Variants in TPPP2 observed in about 807,000 individuals in gnomAD.
TPPP2 encodes tubulin polymerization-promoting protein family member 2.
Under a neutral mutation model 13.0 loss-of-function variants are expected in TPPP2, and 8 were observed. The observed-to-expected ratio is 0.62, with a 90% CI of 0.36 to 1.11. TPPP2 has a LOEUF of 1.11. Among genes scored for constraint, TPPP2 ranks in the 50% most tolerant of loss-of-function variants. The pLI, the probability that TPPP2 is intolerant of heterozygous loss-of-function variation, is 0.02. For missense variants in TPPP2, 213 were observed against 216.9 expected, an observed-to-expected ratio of 0.98 and a Z score of 0.11; for synonymous variants, 81 against 81.8, an observed-to-expected ratio of 0.99 and a Z score of 0.05.
chr14:21,025,769 G>A, upstream of TPPP2: 3 of 893,204 alleles, frequency 3.4e-6, 1 homozygote, highest in African/African-American at 3.6e-5. The surrounding 1 kb of genome is among the most constrained non-coding windows in gnomAD (Gnocchi z 5.1). Flanking sequence ...GGGGAATGCG[G>A]GGGGCCGCTA....
At position 21,032,305 on chromosome 14, in the gene TPPP2, A is replaced by G. The variant is rs1235546941; in HGVS notation, c.*228A>G. 6.3e-6 allele frequency: 4 copies of G among 632,368 alleles called. No homozygotes were observed. The Admixed American group carries it at 8.4e-5, about 13-fold the overall frequency. The allele number at this position is 632,368 out of a possible 1,614,324, so 39.2% of individuals were successfully genotyped here. On this transcript the variant is annotated 3_prime_UTR_variant, in exon 4 of 4. Coordinates refer to ENST00000321760, the MANE Select transcript of TPPP2 (RefSeq NM_173846.5). Reference sequence around the variant, plus strand: ...TTATGCCTACCAGCCATCAGTTAGCATTCCTCCTCAACAGCTGCTTCCAAG... The same window carrying G: ...TTATGCCTACCAGCCATCAGTTAGCGTTCCTCCTCAACAGCTGCTTCCAAG...
Position 21,024,947 on chromosome 14 carries a change from G to A in TPPP2, n.236+603G>A, listed in dbSNP as rs1274151022. The A allele has an allele frequency of 8.1e-6, 8 of 985,504 alleles. No individual in the cohort carries two copies. In the East Asian group the frequency reaches 9.1e-4, roughly 112 times the overall value. 61.0% of individuals were successfully genotyped at this position (985,504 alleles called of 1,614,324 possible). A position where few individuals can be genotyped will look rare whatever the true frequency, so the allele number is the denominator to read the frequency against. ...CTTTCCCCCGAGCCTCCAGCTCCAG[G>A]GGACGCGGATCAATCACACCGCCCG... On this transcript the variant is annotated intron_variant and non_coding_transcript_variant, in intron 1 of 1. Transcript: ENST00000533755.
At chr14:21,025,502 C>A (rs1430242473), upstream of TPPP2, 3 of 985,314 alleles carry the variant, frequency 3.0e-6, no homozygotes, top group Non-Finnish European at 3.6e-6. The surrounding 1 kb of genome is among the most constrained non-coding windows in gnomAD (Gnocchi z 5.1). Flanking sequence ...AGTTCGACTC[C>A]CCCCGCCCGA....
intron 1 of TPPP2, chr14:21,024,896 A>T: frequency 1.0e-6 from 1 of 985,546 alleles, no homozygotes. Flanking sequence ...TGTGCGCAGC[A>T]ACCGAGCGCC....
chr14:21,032,966 C>T (rs1467605180), downstream of TPPP2: 1 of 455,992 alleles, frequency 2.2e-6, no homozygotes, highest in South Asian at 1.5e-5. Flanking sequence ...AATTTATGTT[C>T]GATTAGAGCC....
At chr14:21,024,826 C>G (rs1465171416) in intron 1 of TPPP2, 1 of 985,660 alleles carries the variant, frequency 1.0e-6, no homozygotes, top group Non-Finnish European at 1.2e-6. Context: ...CGCCCCGGAC[C>G]TTGCACACAA....
At chr14:21,031,860 G>T (rs1477056255) in intron 3 of TPPP2, 32 bp from the exon 4 acceptor site, 2 of 1,605,058 alleles carry the variant, frequency 1.2e-6, no homozygotes, top group Admixed American at 1.7e-5. Context: ...GTAAGGAAAG[G>T]AAGAGAGCTC....
At chr14:21,034,061 A>G, downstream of TPPP2, 1 of 1,614,214 alleles carries the variant, frequency 6.2e-7, no homozygotes, top group Non-Finnish European at 8.5e-7. Context: ...TCCAAGGGGC[A>G]TGTATCACAT....
rs762247524 is a variant in TPPP2 at position 21,031,179 on chromosome 14, T to C, written c.327+14T>C. 5.0e-6 allele frequency: 8 copies of C among 1,611,868 alleles called. No individual in the cohort carries two copies. Among genetic ancestry groups the C allele is most frequent in the Admixed American group, 3.3e-5 (2 of 59,720 alleles). On this transcript the variant is annotated intron_variant, in intron 3 of 3. Transcript: ENST00000321760. ...ACTGGCGCTACTGTGAGTGACAGCC[T>C]TCATCCCCTTGACCCTACTTCCCTA...
At chr14:21,033,870 C>A (rs143881017), downstream of TPPP2, 8 of 1,613,988 alleles carry the variant, frequency 5.0e-6, no homozygotes, top group South Asian at 1.1e-5. Context: ...TTCATACTTG[C>A]GGGAGCAGAG....
upstream of TPPP2, among the ~76,000 whole-genome samples, chr14:21,029,944 A>C (rs1566485477): frequency 6.6e-6 from 1 of 150,872 alleles, no homozygotes; most frequent in Non-Finnish European, 1.5e-5. Flanking sequence ...ACAGACTACA[A>C]CACCTTCCCT....
Position 21,032,194 on chromosome 14 carries a change from A to T in TPPP2, c.*117A>T, listed in dbSNP as rs1566488294. On this transcript the variant is annotated 3_prime_UTR_variant, in exon 4 of 4. Coordinates refer to ENST00000321760, the MANE Select transcript of TPPP2 (RefSeq NM_173846.5). Reference sequence around the variant, plus strand: ...GCCAAAATCTCTGTCTGTGAGGGACAGATGAGCCTACTAGTGTAGAGAGAG... The same window carrying T: ...GCCAAAATCTCTGTCTGTGAGGGACTGATGAGCCTACTAGTGTAGAGAGAG... 1 of 1,068,404 alleles carries T rather than the reference A, an allele frequency of 9.4e-7. No homozygotes were observed. Among genetic ancestry groups the T allele is most frequent in the Non-Finnish European group, 1.4e-6 (1 of 704,782 alleles). The allele number at this position is 1,068,404 out of a possible 1,614,324, so 66.2% of individuals were successfully genotyped here.
rs76101114 is a variant in TPPP2, at chr14:21,032,059, C to T, written c.495C>T (p.Tyr165=). The T allele has an allele frequency of 8.7e-6, 14 of 1,613,692 alleles. No homozygotes were observed. Among genetic ancestry groups the T allele is most frequent in the Middle Eastern group, 1.7e-4 (1 of 6,054 alleles). Residue 165 remains tyrosine, a synonymous_variant, in exon 4 of 4, where the codon TAC becomes TAT. Coordinates refer to ENST00000321760, the MANE Select transcript of TPPP2 (RefSeq NM_173846.5). ...YVSGYKGSGT[Y]DKKTK Reference sequence around the variant, plus strand: ...GTGGTTACAAGGGTTCTGGCACCTACGATAAGAAGACCAAGTAGAGAGGAG... The same window carrying T: ...GTGGTTACAAGGGTTCTGGCACCTATGATAAGAAGACCAAGTAGAGAGGAG...
At chr14:21,029,988 A>G (rs888799843), upstream of TPPP2, among the ~76,000 whole-genome samples, 5 of 152,232 alleles carry the variant, frequency 3.3e-5, no homozygotes, top group Admixed American at 6.5e-5. Context: ...GGGGCAGAGC[A>G]TAAGGCAATT....
chr14:21,029,823 A>C (rs1243458), upstream of TPPP2, among the ~76,000 whole-genome samples: 21,266 of 152,106 alleles, frequency 0.14, 1,837 homozygotes, highest in East Asian at 0.3. Context: ...CTCACCAAAC[A>C]CTGAATCTGC....
chr14:21,031,975 T>TGGCAAG lies in TPPP2; in HGVS notation c.422_427dup (p.Lys141_Gly142dup). On this transcript the variant is annotated inframe_insertion, in exon 4 of 4. Coordinates refer to ENST00000321760, the MANE Select transcript of TPPP2 (RefSeq NM_173846.5). ...CCCACAAGGAGCGCTTTGATGAGAG[T>TGGCAAG]GGCAAGGGCAAGGGCATTGCGGGAC... The TGGCAAG allele has an allele frequency of 6.2e-7, 1 of 1,613,760 alleles. No homozygotes were observed. The highest frequency in any genetic ancestry group is 8.5e-7 in the Non-Finnish European group (1 of 1,179,934).
At chr14:21,025,620 CG>C, upstream of TPPP2, 1 of 985,462 alleles carries the variant, frequency 1.0e-6, no homozygotes, top group Non-Finnish European at 1.2e-6. This position sits in a 1 kb window ranked among gnomAD's most constrained non-coding sequence, Gnocchi z 5.1. Flanking sequence ...AAAGGGGGCA[CG>C]GGGGAACGTC....
chr14:21,035,859 G>A, downstream of TPPP2: 1 of 456,092 alleles, frequency 2.2e-6, no homozygotes. Context: ...CCCAATCCCA[G>A]CTACGGGGAG....
upstream of TPPP2, chr14:21,028,969 C>G (rs1883881131): frequency 6.6e-6 from 1 of 152,206 alleles, no homozygotes; most frequent in South Asian, 2.1e-4. Flanking sequence ...ATCTGTAGTG[C>G]TTCTGGCCAG....
Sources: allele counts gnomAD v4.1 joint callset (sites outside exome capture counted in the v4.1 genomes callset), GRCh38; gene constraint gnomAD v4.1.1; non-coding constraint Gnocchi (gnomAD v3.1); transcripts MANE v1.5; gene names NCBI Gene and HGNC (gene_info 2026-07-23, HGNC 2026-07-21).